SIGLEC8: variants seen among roughly 807,000 people sequenced by gnomAD.
SIGLEC8 encodes the protein sialic acid-binding Ig-like lectin 8.
A neutral mutation model predicts 42.1 loss-of-function variants in SIGLEC8; 32 were observed. That is an observed-to-expected ratio of 0.76 (90% CI 0.57 to 1.02). The LOEUF (loss-of-function observed/expected upper bound fraction) is 1.02, where lower values mean the gene tolerates loss of function less well. Among genes scored for constraint, SIGLEC8 ranks in the 50% least tolerant of loss-of-function variants. SIGLEC8 has a pLI of 0.00. For synonymous variants in SIGLEC8, 262 were observed against 260.3 expected (o/e 1.01, Z -0.06); for missense variants, 611 against 610.2 (o/e 1.00, Z -0.01).
At chr19:51,455,296 G>C (rs1989462403) in intron 4 of SIGLEC8, 122 bp downstream of exon 4, 2 of 1,298,632 alleles carry the variant, frequency 1.5e-6, no homozygotes, top group South Asian at 1.5e-5. Context: ...TCGCAGGGAA[G>C]TTCCAGGCCT....
Position 51,454,327 on chromosome 19 carries a change from G to A in SIGLEC8, c.1149-12C>T, listed in dbSNP as rs1223583698. ...TGCAGGACCTCACTCTGAGTGAAGA[G>A]ACCAGAGAGCCTTTCAGTGTGGTCA... is the stretch of plus-strand genomic sequence containing the variant. On this transcript the variant is annotated splice_polypyrimidine_tract_variant and intron_variant, in intron 5 of 6. Transcript: ENST00000321424. The surrounding 1 kb of genome is among the most constrained non-coding windows in gnomAD (Gnocchi z 4.7). 3.1e-6 allele frequency: 5 copies of A among 1,613,002 alleles called. No homozygotes were observed. Among genetic ancestry groups the A allele is most frequent in the Non-Finnish European group, 4.2e-6 (5 of 1,180,002 alleles).
At chr19:51,455,962 A>C (rs946261858) in intron 3 of SIGLEC8, among the ~76,000 whole-genome samples, 4 of 152,048 alleles carry the variant, frequency 2.6e-5, no homozygotes, top group Non-Finnish European at 5.9e-5. Flanking sequence ...ATTCTCAGCA[A>C]ACTATTGCAA....
At chr19:51,453,491 T>C (rs1178492637) in intron 6 of SIGLEC8, 3 of 656,022 alleles carry the variant, frequency 4.6e-6, no homozygotes, top group Non-Finnish European at 5.7e-6. Flanking sequence ...AGGTCAGGAG[T>C]TCGAGACCAG....
intron 3 of SIGLEC8, among the ~76,000 whole-genome samples, chr19:51,456,510 T>C (rs1257384409): frequency 6.6e-6 from 1 of 152,260 alleles, no homozygotes; most frequent in East Asian, 1.9e-4. Context: ...GACTATCCAC[T>C]GCACAGTTTC....
intron 1 of SIGLEC8, 36 bp from the exon 2 acceptor site, chr19:51,457,775 A>T: frequency 1.3e-6 from 2 of 1,553,776 alleles, no homozygotes; most frequent in Non-Finnish European, 1.7e-6. Flanking sequence ...AGGAGGAGGT[A>T]TTTCAGGTGC....
In SIGLEC8 at chr19:51,455,556, A is replaced by G; in HGVS notation, c.913T>C (p.Ser305Pro). 1 of 1,613,998 alleles carries G rather than the reference A, an allele frequency of 6.2e-7. No homozygotes were observed. Among genetic ancestry groups the G allele is most frequent in the Non-Finnish European group, 8.5e-7 (1 of 1,179,974 alleles). ...WTRGSLTLCP[S>P]RSSNPGLLEL... ...AGCAGCCCAGGGTTTGAGGACCGTG[A>G]GGGGCACAGGGTCAGGCTCCCCCGG... Residue 305 changes from serine to proline, a missense_variant, in exon 4 of 7, where the codon TCA (serine) becomes CCA (proline). By Grantham distance (74) the Ser-to-Pro change is moderately conservative. Transcript: ENST00000321424.
Position 51,458,209 on chromosome 19 carries a change from T to G in SIGLEC8, c.179A>C (p.Asp60Ala), listed in dbSNP as rs769257471. The G allele has an allele frequency of 1.9e-6, 3 of 1,614,084 alleles. No individual in the cohort carries two copies. In the South Asian group the frequency reaches 3.3e-5, roughly 18 times the overall value. Residue 60 changes from aspartate to alanine, a missense_variant, in exon 1 of 7, where the codon GAC (aspartate) becomes GCC (alanine). By Grantham distance (126) the Asp-to-Ala change is moderately radical. Transcript: ENST00000321424. ...SYPQDGWTDS[D>A]PVHGYWFRAG... ...CCGGAACCAGTAGCCATGAACTGGG[T>G]CAGAGTCAGTCCAGCCATCCTGGGG...
Position 51,454,958 on chromosome 19 carries a change from G to C in SIGLEC8, c.1052-178C>G, listed in dbSNP as rs573807275. Among the ~76,000 whole-genome samples, 1 of 152,344 alleles carries C rather than the reference G, an allele frequency of 6.6e-6. No homozygotes were observed. Among genetic ancestry groups the C allele is most frequent in the African/African-American group, 2.4e-5 (1 of 41,584 alleles). On this transcript the variant is annotated intron_variant, in intron 4 of 6. Coordinates refer to ENST00000321424, the MANE Select transcript of SIGLEC8 (RefSeq NM_014442.3). This position sits in a 1 kb window ranked among gnomAD's most constrained non-coding sequence, Gnocchi z 4.7. ...GAGGCCAGTGAGGCATGAGAGTGCT[G>C]GATGCAGCTTGTCTTGCCTTTATTT... is the stretch of plus-strand genomic sequence containing the variant.
In SIGLEC8 at chr19:51,454,758, T is replaced by C. The variant is rs200512602; in HGVS notation, c.1074A>G (p.Gln358=). The C allele has an allele frequency of 1.0e-4, 168 of 1,613,632 alleles. No individual in the cohort carries two copies. Among genetic ancestry groups the C allele is most frequent in the Admixed American group, 5.2e-4 (31 of 60,016 alleles). ...CTCCCCCGACTGCTGCCAGTGTCAC[T>C]TGTGATACAGGTCTTGAGGTGCCTG... ...EGTGTSRPVS[Q]VTLAAVGGAG... The change falls in exon 5 of 7, where the codon CAA becomes CAG. Residue 358 remains glutamine, a synonymous_variant. Coordinates refer to ENST00000321424, the MANE Select transcript of SIGLEC8 (RefSeq NM_014442.3). This position sits in a 1 kb window ranked among gnomAD's most constrained non-coding sequence, Gnocchi z 4.7.
In SIGLEC8 at chr19:51,457,505, C is replaced by T; in HGVS notation, c.689G>A (p.Gly230Glu). The T allele has an allele frequency of 6.2e-7, 1 of 1,613,898 alleles. No homozygotes were observed. Among genetic ancestry groups the T allele is most frequent in the Non-Finnish European group, 8.5e-7 (1 of 1,180,016 alleles). Residue 230 changes from glycine to glutamate, a missense_variant, in exon 2 of 7, where the codon GGG becomes GAG. By Grantham distance (98) the Gly-to-Glu change is moderately conservative. Transcript: ENST00000321424. Reference protein sequence around the residue: ...TSLTCQVTLPGTGVTTTSTVR... With the variant: ...TSLTCQVTLPETGVTTTSTVR... ...GGTACTGGTCGTGGTCACACCTGTC[C>T]CAGGCAAGGTCACCTGACAGGTGAG...
rs1275390496 is a variant in SIGLEC8 at position 51,452,241 on chromosome 19, G to A, written c.*138C>T. On this transcript the variant is annotated 3_prime_UTR_variant, in exon 7 of 7. Transcript: ENST00000321424. ...GTCGAGAGGAGAATGGTGGGTAGTA[G>A]AAGCTAGAGGCAGGGATGGGTCCCT... is the stretch of plus-strand genomic sequence containing the variant. The A allele has an allele frequency of 4.7e-6, 3 of 633,250 alleles. No individual in the cohort carries two copies. In the East Asian group the frequency reaches 8.3e-5, roughly 17 times the overall value. The allele number at this position is 633,250 out of a possible 1,614,324, so 39.2% of individuals were successfully genotyped here.
In SIGLEC8 at chr19:51,457,946, C is replaced by A; in HGVS notation, c.442G>T (p.Val148Leu). ...QLNYKTKQLS[V>L]FVTALTHRPD... Reference sequence around the variant, plus strand: ...GCCCGTGCCTTACCTGTCACAAACACAGACAGCTGCTTAGTTTTGTAATTC... The same window carrying A: ...GCCCGTGCCTTACCTGTCACAAACAAAGACAGCTGCTTAGTTTTGTAATTC... Residue 148 changes from valine (V) to leucine (L), a missense_variant, in exon 1 of 7, where the codon GTG (valine) becomes TTG (leucine). Physicochemically the swap from Val to Leu is conservative, Grantham distance 32 (BLOSUM62 1). Coordinates refer to ENST00000321424, the MANE Select transcript of SIGLEC8 (RefSeq NM_014442.3). 1 of 1,614,088 alleles carries A rather than the reference C, an allele frequency of 6.2e-7. No homozygotes were observed. Among genetic ancestry groups the A allele is most frequent in the Middle Eastern group, 1.6e-4 (1 of 6,062 alleles).
Position 51,454,459 on chromosome 19 carries a change from G to A in SIGLEC8, c.1149-144C>T. ...TGGTCCAGTTCCAGAGACCCCAACG[G>A]TGAAAACAGAGGCTCCTGCCTCATG... On this transcript the variant is annotated intron_variant, in intron 5 of 6. Transcript: ENST00000321424. The surrounding 1 kb of genome is among the most constrained non-coding windows in gnomAD (Gnocchi z 4.7). 6.8e-7 allele frequency: 1 copy of A among 1,476,804 alleles called. No individual in the cohort carries two copies. Among genetic ancestry groups the A allele is most frequent in the Non-Finnish European group, 9.2e-7 (1 of 1,085,136 alleles). The allele number at this position is 1,476,804 out of a possible 1,614,324, so 91.5% of individuals were successfully genotyped here.
rs777902631 is a variant in SIGLEC8, at chr19:51,454,819, C to G, written c.1052-39G>C. ...GGAGTTGCTTTGGGGATTTATATCA[C>G]GGAGAAGTGGGTCTCTTCCCCTCCC... On this transcript the variant is annotated intron_variant, in intron 4 of 6. Coordinates refer to ENST00000321424, the MANE Select transcript of SIGLEC8 (RefSeq NM_014442.3). The surrounding 1 kb of genome is among the most constrained non-coding windows in gnomAD (Gnocchi z 4.7). 1.3e-6 allele frequency: 2 copies of G among 1,491,500 alleles called. No homozygotes were observed. The highest frequency in any genetic ancestry group is 1.7e-5 in the Admixed American group (1 of 59,740). The allele number at this position is 1,491,500 out of a possible 1,614,324, so 92.4% of individuals were successfully genotyped here. A position where few individuals can be genotyped will look rare whatever the true frequency, so the allele number is the denominator to read the frequency against.
In SIGLEC8 at chr19:51,455,505, C is replaced by G. The variant is rs1391749935; in HGVS notation, c.964G>C (p.Asp322His). 1.9e-6 allele frequency: 3 copies of G among 1,614,072 alleles called. No homozygotes were observed. Among genetic ancestry groups the G allele is most frequent in the South Asian group, 1.1e-5 (1 of 91,080 alleles). The change falls in exon 4 of 7, where the codon GAT (aspartate) becomes CAT (histidine). Residue 322 changes from aspartate (D) to histidine (H), a missense_variant. Coordinates refer to ENST00000321424, the MANE Select transcript of SIGLEC8 (RefSeq NM_014442.3). The part of the protein sequence containing the change: ...LLELPRVHVR[D>H]EGEFTCRAQN... The stretch of plus-strand genomic sequence containing the variant: ...GCTCGGCAGGTGAATTCCCCTTCAT[C>G]CCTCACGTGCACTCGAGGCAGCTCC...
rs202029527 is a variant in SIGLEC8 at position 51,453,095 on chromosome 19, G to GTT, written c.1246-463_1246-462insAA. Among the ~76,000 whole-genome samples, 93 of 149,020 alleles carry GTT rather than the reference G, an allele frequency of 6.2e-4. No homozygotes were observed. In the East Asian group the frequency reaches 0.015, roughly 25 times the overall value. Reference sequence around the variant, plus strand: ...TTTGTTTTGTTTTGTTTTGTTTTTTGGTTTTTTTTTTGAGACAGAGTCTGG... The same window carrying GTT: ...TTTGTTTTGTTTTGTTTTGTTTTTTGTTGTTTTTTTTTTGAGACAGAGTCTGG... On this transcript the variant is annotated intron_variant, in intron 6 of 6. Transcript: ENST00000321424.
Position 51,455,654 on chromosome 19 carries a change from G to A in SIGLEC8, c.815C>T (p.Ser272Leu). 6.2e-7 allele frequency: 1 copy of A among 1,613,720 alleles called. No homozygotes were observed. The highest frequency in any genetic ancestry group is 8.5e-7 in the Non-Finnish European group (1 of 1,179,840). Reference sequence around the variant, plus strand: ...GCGCAGAGACTGGCCCTCAAGGACTGAAAGAGATGAGCCATTTCCCAGGGC... The same window carrying A: ...GCGCAGAGACTGGCCCTCAAGGACTAAAAGAGATGAGCCATTTCCCAGGGC... ...STALGNGSSLSVLEGQSLRLV... is the reference protein window; with the variant it reads ...STALGNGSSLLVLEGQSLRLV... The change falls in exon 4 of 7, where the codon TCA becomes TTA. Residue 272 changes from serine (S) to leucine (L), a missense_variant. Physicochemically the swap from Ser to Leu is moderately radical, Grantham distance 145. Coordinates refer to ENST00000321424, the MANE Select transcript of SIGLEC8 (RefSeq NM_014442.3).
In SIGLEC8 at chr19:51,457,493, G is replaced by C; in HGVS notation, c.701C>G (p.Thr234Ser). The change falls in exon 2 of 7, where the codon ACC becomes AGC. Residue 234 changes from threonine (T) to serine (S), a missense_variant. Transcript: ENST00000321424. ...ATCGAGGCGGACGGTACTGGTCGTG[G>C]TCACACCTGTCCCAGGCAAGGTCAC... ...CQVTLPGTGV[T>S]TTSTVRLDVS... The C allele has an allele frequency of 6.2e-7, 1 of 1,613,832 alleles. No homozygotes were observed. Among genetic ancestry groups the C allele is most frequent in the South Asian group, 1.1e-5 (1 of 91,070 alleles).
rs772492380 is a variant in SIGLEC8 at position 51,457,597 on chromosome 19, C to T, written c.597G>A (p.Pro199=). Residue 199 remains proline, a synonymous_variant, in exon 2 of 7, where the codon CCG becomes CCA. Coordinates refer to ENST00000321424, the MANE Select transcript of SIGLEC8 (RefSeq NM_014442.3). ...CTGAGGAGCGGGCAGTAGTGGGGCC[C>T]GGGGAGGACACGGAGGCCCCAATCC... is the stretch of plus-strand genomic sequence containing the variant. ...ISWIGASVSS[P]GPTTARSSVL... The T allele has an allele frequency of 5.0e-6, 8 of 1,613,086 alleles. No homozygotes were observed. The highest frequency in any genetic ancestry group is 4.5e-5 in the East Asian group (2 of 44,890).
Sources: gnomAD v4.1 joint callset for allele counts (sites outside exome capture counted in the v4.1 genomes callset) on GRCh38, gnomAD v4.1.1 for gene constraint, Gnocchi (gnomAD v3.1) non-coding constraint, MANE v1.5 for transcripts, NCBI Gene and HGNC (gene_info 2026-07-23, HGNC 2026-07-21) for gene names.